The following NUP93 variants were observed in gnomAD, a reference collection of about 807,000 sequenced individuals.
NUP93 encodes nuclear pore complex protein Nup93.
Under a neutral mutation model 107.8 loss-of-function variants are expected in NUP93, and 55 were observed. That is an observed-to-expected ratio of 0.51 (90% CI 0.41 to 0.64). NUP93 has a LOEUF of 0.64. Among genes scored for constraint, NUP93 ranks in the 30% least tolerant of loss-of-function variants. The probability of loss-of-function intolerance (pLI) is 0.00; values close to 1 mark genes in which losing one functional copy is unlikely to be tolerated. For missense variants in NUP93, 937 were observed against 1,044.7 expected, an observed-to-expected ratio of 0.90 and a Z score of 1.42; for synonymous variants, 390 against 397.5, an observed-to-expected ratio of 0.98 and a Z score of 0.22.
At chr16:56,768,702 TA>T (rs564962218) in intron 3 of NUP93, among the ~76,000 whole-genome samples, 9,697 of 149,738 alleles carry the variant, frequency 0.065, 397 homozygotes, top group African/African-American at 0.11. Context: ...CTGTCTCTAC[TA>T]AAAAATACAA....
intron 3 of NUP93, among the ~76,000 whole-genome samples, chr16:56,768,700 A>G (rs1449228276): frequency 2.0e-5 from 3 of 147,544 alleles, no homozygotes; most frequent in Admixed American, 6.7e-5. Context: ...CCCTGTCTCT[A>G]CTAAAAAATA....
intron 5 of NUP93, among the ~76,000 whole-genome samples, chr16:56,806,011 T>A (rs1473601843): frequency 2.0e-5 from 3 of 150,726 alleles, no homozygotes; most frequent in African/African-American, 4.9e-5. Context: ...AACCTTAGTG[T>A]TAATTTATCT....
At chr16:56,816,417 T>G (rs369998036) in intron 5 of NUP93, among the ~76,000 whole-genome samples, 10 of 152,298 alleles carry the variant, frequency 6.6e-5, no homozygotes, top group African/African-American at 2.2e-4. Flanking sequence ...AGTGTTGATG[T>G]TAATCCAGTT....
intron 10 of NUP93, 134 bp downstream of exon 10, chr16:56,830,819 G>A (rs1963769104): frequency 1.3e-6 from 1 of 756,340 alleles, no homozygotes; most frequent in Non-Finnish European, 2.0e-6. Flanking sequence ...AGTTTTGAAA[G>A]CAAATAGAAC....
At chr16:56,730,253 T>A (rs1190421602) in intron 1 of NUP93, 42 bp downstream of exon 1, 2 of 152,258 alleles carry the variant, frequency 1.3e-5, no homozygotes, top group Admixed American at 6.5e-5. Flanking sequence ...CCTGGGCTTG[T>A]CCTTGAACCC....
chr16:56,771,624 G>T (rs371588172), intron 3 of NUP93, among the ~76,000 whole-genome samples: 2 of 152,302 alleles, frequency 1.3e-5, no homozygotes, highest in African/African-American at 4.8e-5. Flanking sequence ...AATTAGAGAT[G>T]GAAATGCTAC....
chr16:56,833,491 A>G (rs1440983515), intron 13 of NUP93, 85 bp downstream of exon 13: 5 of 1,136,022 alleles, frequency 4.4e-6, no homozygotes, highest in Non-Finnish European at 6.0e-6. Flanking sequence ...CACAACCAAT[A>G]AGGATTTGAG....
intron 3 of NUP93, among the ~76,000 whole-genome samples, chr16:56,793,014 G>C (rs1009638277): frequency 9.2e-5 from 14 of 152,274 alleles, no homozygotes; most frequent in African/African-American, 2.9e-4. Context: ...GCAGGGGATG[G>C]GGATAGGGGA....
At chr16:56,827,656 A>T (rs1041141698) in intron 8 of NUP93, among the ~76,000 whole-genome samples, 1 of 152,228 alleles carries the variant, frequency 6.6e-6, no homozygotes, top group Non-Finnish European at 1.5e-5. Context: ...CCTGAATCAA[A>T]TAATGATCCA....
At chr16:56,800,195 A>G (rs1403981134) in intron 4 of NUP93, among the ~76,000 whole-genome samples, 1 of 152,196 alleles carries the variant, frequency 6.6e-6, no homozygotes, top group African/African-American at 2.4e-5. Flanking sequence ...AAAAATAAAT[A>G]AAATCCCCAA....
chr16:56,796,118 C>T (rs1413341500), intron 3 of NUP93, among the ~76,000 whole-genome samples: 3 of 152,018 alleles, frequency 2.0e-5, no homozygotes, highest in Non-Finnish European at 4.4e-5. Flanking sequence ...AATGTATATC[C>T]CCAATATTAT....
At chr16:56,836,944 T>TG (rs1357762034) in intron 17 of NUP93, among the ~76,000 whole-genome samples, 5 of 152,270 alleles carry the variant, frequency 3.3e-5, no homozygotes, top group African/African-American at 1.2e-4. Context: ...AAGGATGTCC[T>TG]GCAGGCATTG....
At chr16:56,761,080 C>G (rs1962118250) in intron 3 of NUP93, among the ~76,000 whole-genome samples, 2 of 152,174 alleles carry the variant, frequency 1.3e-5, no homozygotes. Context: ...AATTGATCAT[C>G]TAGACCTGAA....
intron 17 of NUP93, among the ~76,000 whole-genome samples, chr16:56,837,379 A>G (rs1166029743): frequency 6.6e-6 from 1 of 152,208 alleles, no homozygotes; most frequent in African/African-American, 2.4e-5. Context: ...CCTGGCCAAC[A>G]TGGCAAAACC....
intron 1 of NUP93, among the ~76,000 whole-genome samples, chr16:56,732,122 G>A (rs1961545470): frequency 6.6e-6 from 1 of 152,156 alleles, no homozygotes; most frequent in Non-Finnish European, 1.5e-5. Context: ...TCTTCACTAG[G>A]GAGGCACCTA....
At chr16:56,812,945 A>G (rs139280205) in intron 5 of NUP93, among the ~76,000 whole-genome samples, 213 of 152,320 alleles carry the variant, frequency 1.4e-3, no homozygotes, top group Non-Finnish European at 1.8e-3. Flanking sequence ...TGGGGAATCT[A>G]TGATGTACCT....
intron 7 of NUP93, among the ~76,000 whole-genome samples, chr16:56,822,564 C>CTTTTCTTTTCT (rs112699214): frequency 1.6e-5 from 2 of 126,958 alleles, no homozygotes; most frequent in Non-Finnish European, 3.2e-5. Context: ...CTTTTCTTTT[C>CTTTTCTTTTCT]TTTTTTTTTT....
At position 56,823,788 on chromosome 16, in the gene NUP93, A is replaced by T; in HGVS notation, c.736A>T (p.Ser246Cys). The change falls in exon 8 of 22, where the codon AGC (serine) becomes TGC (cysteine). Residue 246 changes from serine to cysteine, a missense_variant. Physicochemically the swap from Ser to Cys is moderately radical, Grantham distance 112. Coordinates refer to ENST00000308159, the MANE Select transcript of NUP93 (RefSeq NM_014669.5). ...TPATDALKNRSSVEVRMEFVR... is the reference protein window; with the variant it reads ...TPATDALKNRCSVEVRMEFVR... ...GGCAACGGATGCCCTGAAGAACCGC[A>T]GCAGCGTGGAAGTGCGCATGGAGTT... The T allele has an allele frequency of 5.6e-6, 9 of 1,614,208 alleles. No homozygotes were observed. Among genetic ancestry groups the T allele is most frequent in the Non-Finnish European group, 7.6e-6 (9 of 1,180,024 alleles).
intron 3 of NUP93, among the ~76,000 whole-genome samples, chr16:56,772,601 G>A (rs1962342095): frequency 1.3e-5 from 2 of 152,220 alleles, no homozygotes; most frequent in African/African-American, 2.4e-5. Context: ...TGGAAGCCTA[G>A]CCTTGCTGTC....
Sources: allele counts gnomAD v4.1 joint callset (sites outside exome capture counted in the v4.1 genomes callset), GRCh38; gene constraint gnomAD v4.1.1; transcripts MANE v1.5; gene names NCBI Gene and HGNC (gene_info 2026-07-23, HGNC 2026-07-21).